The following LSAMP variants were observed in gnomAD, a reference collection of about 807,000 sequenced individuals.
LSAMP encodes the protein limbic system-associated membrane protein.
Under a neutral mutation model 38.6 loss-of-function variants are expected in LSAMP, and 7 were observed. The ratio of observed to expected loss-of-function variants is 0.18; its 90% CI spans 0.10 to 0.34. The LOEUF (loss-of-function observed/expected upper bound fraction) is 0.34. Among genes scored for constraint, LSAMP ranks in the 10% least tolerant of loss-of-function variants. The pLI is 1.00. For missense variants in LSAMP, 313 were observed against 420.0 expected (o/e 0.75, Z 2.23); for synonymous variants, 154 against 166.8 (o/e 0.92, Z 0.59).
At chr3:115,816,044 G>A (rs1934007071) in intron 6 of LSAMP, among the ~76,000 whole-genome samples, 1 of 152,232 alleles carries the variant, frequency 6.6e-6, no homozygotes, top group Middle Eastern at 3.4e-3. Context: ...GCCTTCATAT[G>A]AGACAATTAT....
chr3:116,185,211 C>A lies in LSAMP; in HGVS notation c.156-98655G>T, dbSNP rs577256157. On this transcript the variant is annotated intron_variant, in intron 1 of 6. Transcript: ENST00000490035. ...TTTAAATATAAGGATCATCTCCAGA[C>A]ATATTCTTTTCATTTGAGTTCTAAA... 2.6e-5 allele frequency among the ~76,000 whole-genome samples: 4 copies of A among 152,032 alleles called. No homozygotes were observed. The South Asian group carries it at 8.3e-4, about 32-fold the overall frequency.
At chr3:116,308,122 T>G (rs1372256808) in intron 1 of LSAMP, among the ~76,000 whole-genome samples, 2 of 151,940 alleles carry the variant, frequency 1.3e-5, no homozygotes, top group African/African-American at 4.8e-5. Flanking sequence ...CCTAAAAACC[T>G]TTCCCCCTAC....
At chr3:115,880,030 T>G (rs1181595771) in intron 3 of LSAMP, among the ~76,000 whole-genome samples, 1 of 151,992 alleles carries the variant, frequency 6.6e-6, no homozygotes, top group Non-Finnish European at 1.5e-5. Flanking sequence ...AAGGTAAAAA[T>G]AAAAAGATCT....
At chr3:116,072,116 C>A (rs970057641) in intron 2 of LSAMP, among the ~76,000 whole-genome samples, 1 of 151,782 alleles carries the variant, frequency 6.6e-6, no homozygotes, top group Admixed American at 6.6e-5. Context: ...GCTGGGACTA[C>A]AGGCACCTGC....
intron 1 of LSAMP, among the ~76,000 whole-genome samples, chr3:116,261,525 A>T (rs2046825608): frequency 6.6e-6 from 1 of 152,162 alleles, no homozygotes; most frequent in African/African-American, 2.4e-5. Flanking sequence ...CTTTAGCTCC[A>T]TCTTTCTCAT....
chr3:116,071,987 T>G (rs1707617456), intron 2 of LSAMP, among the ~76,000 whole-genome samples: 1 of 149,990 alleles, frequency 6.7e-6, no homozygotes, highest in South Asian at 2.2e-4. Context: ...TTTTTTTTTT[T>G]TTTTTTGAGA....
chr3:116,198,460 G>A (rs2107589703), intron 1 of LSAMP, among the ~76,000 whole-genome samples: 1 of 152,264 alleles, frequency 6.6e-6, no homozygotes, highest in South Asian at 2.1e-4. Context: ...ATTTAGAGAA[G>A]GAAATTTCTA....
chr3:116,257,382 T>C (rs2046765528), intron 1 of LSAMP, among the ~76,000 whole-genome samples: 1 of 152,180 alleles, frequency 6.6e-6, no homozygotes, highest in African/African-American at 2.4e-5. Flanking sequence ...CTTCTGTTTT[T>C]CTTAGTCCTT....
chr3:116,194,645 C>T (rs1467977252), intron 1 of LSAMP, among the ~76,000 whole-genome samples: 1 of 152,196 alleles, frequency 6.6e-6, no homozygotes, highest in Admixed American at 6.5e-5. Flanking sequence ...ATCCGCCCAC[C>T]TCGGCCTCCC....
At chr3:116,342,501 T>A (rs2107754843) in intron 1 of LSAMP, among the ~76,000 whole-genome samples, 1 of 152,168 alleles carries the variant, frequency 6.6e-6, no homozygotes, top group South Asian at 2.1e-4. Context: ...TAAAACATTG[T>A]TTTTCTCCAC....
intron 1 of LSAMP, among the ~76,000 whole-genome samples, chr3:116,408,487 T>C (rs2048927620): frequency 6.6e-6 from 1 of 152,122 alleles, no homozygotes; most frequent in African/African-American, 2.4e-5. Flanking sequence ...GGGTATTAAA[T>C]TGAGTTTTCC....
intron 3 of LSAMP, among the ~76,000 whole-genome samples, chr3:115,970,270 TAAG>T (rs1324497828): frequency 1.3e-5 from 2 of 152,140 alleles, no homozygotes; most frequent in Non-Finnish European, 2.9e-5. Context: ...GTTGGATAAA[TAAG>T]AAGAAAAGGT....
At chr3:115,846,298 A>G (rs2918219) in intron 4 of LSAMP, among the ~76,000 whole-genome samples, 52,395 of 151,822 alleles carry the variant, frequency 0.35, 9,438 homozygotes, top group Admixed American at 0.45. Flanking sequence ...TCAAAATTCC[A>G]CGTTCTGAAA....
At chr3:116,277,523 C>T (rs1255004905) in intron 1 of LSAMP, among the ~76,000 whole-genome samples, 2 of 152,068 alleles carry the variant, frequency 1.3e-5, no homozygotes, top group East Asian at 3.9e-4. Context: ...GCGCCCACCA[C>T]CACGCCTGGC....
chr3:116,431,608 G>T (rs2049281992), intron 1 of LSAMP, among the ~76,000 whole-genome samples: 1 of 151,920 alleles, frequency 6.6e-6, no homozygotes, highest in Non-Finnish European at 1.5e-5. Context: ...TTATATTAGT[G>T]CCCTGGATAT....
chr3:116,137,875 T>C (rs1709285598), intron 1 of LSAMP, among the ~76,000 whole-genome samples: 1 of 152,132 alleles, frequency 6.6e-6, no homozygotes, highest in Non-Finnish European at 1.5e-5. Flanking sequence ...CTATTGGCAA[T>C]GAATATAAAC....
Position 116,094,729 on chromosome 3 carries a change from AAAAC to A in LSAMP, c.156-8177_156-8174del, listed in dbSNP as rs199595348. 1.0e-2 allele frequency among the ~76,000 whole-genome samples: 1,518 copies of A among 152,320 alleles called. 20 individuals carry two copies. Among genetic ancestry groups the A allele is most frequent in the African/African-American group, 0.033 (1,366 of 41,580 alleles). On this transcript the variant is annotated intron_variant, in intron 1 of 6. Coordinates refer to ENST00000490035, the MANE Select transcript of LSAMP (RefSeq NM_002338.5). ...TACTGCTGATGGAGTGCTAGTGTAA[AAAAC>A]AAACAGTTTAGATCCTGAAGAGGCT...
intron 1 of LSAMP, among the ~76,000 whole-genome samples, chr3:116,408,128 A>T (rs1254064659): frequency 6.6e-6 from 1 of 152,078 alleles, no homozygotes; most frequent in Non-Finnish European, 1.5e-5. Flanking sequence ...AAGATGCATC[A>T]AATACTATTA....
intron 1 of LSAMP, among the ~76,000 whole-genome samples, chr3:116,095,548 C>T (rs1459435740): frequency 6.6e-6 from 1 of 152,162 alleles, no homozygotes. Flanking sequence ...CCTTCCGGCA[C>T]CATCTGTATT....
Sources: allele counts gnomAD v4.1 joint callset (sites outside exome capture counted in the v4.1 genomes callset), GRCh38; gene constraint gnomAD v4.1.1; transcripts MANE v1.5; gene names NCBI Gene and HGNC (gene_info 2026-07-23, HGNC 2026-07-21).